DPP10: variants seen among roughly 807,000 people sequenced by gnomAD.
DPP10 encodes the protein dipeptidyl peptidase like 10, also known as inactive dipeptidyl peptidase 10.
A neutral mutation model predicts 120.9 loss-of-function variants in DPP10; 33 were observed. The ratio of observed to expected loss-of-function variants is 0.27; its 90% CI spans 0.21 to 0.37. The LOEUF (loss-of-function observed/expected upper bound fraction) is 0.37, where lower values mean the gene tolerates loss of function less well. DPP10 is among the 10% of genes least tolerant of loss of function. DPP10 has a pLI of 1.00. For synonymous variants in DPP10, 337 were observed against 326.1 expected (o/e 1.03, Z -0.36); for missense variants, 816 against 942.8 (o/e 0.87, Z 1.76).
At chr2:114,800,848 C>T (rs1456199939) in intron 1 of DPP10, among the ~76,000 whole-genome samples, 1 of 151,934 alleles carries the variant, frequency 6.6e-6, no homozygotes, top group Non-Finnish European at 1.5e-5. Flanking sequence ...TCTCCATTTT[C>T]CTCAGTGACA....
chr2:115,092,890 G>C (rs2104569426), intron 1 of DPP10, among the ~76,000 whole-genome samples: 1 of 152,224 alleles, frequency 6.6e-6, no homozygotes, highest in African/African-American at 2.4e-5. Context: ...GACTTTTTAA[G>C]TGACTTTTAG....
intron 1 of DPP10, among the ~76,000 whole-genome samples, chr2:115,010,729 A>G (rs1214844120): frequency 1.3e-5 from 2 of 152,160 alleles, no homozygotes; most frequent in African/African-American, 2.4e-5. Context: ...TATGAACAAA[A>G]TGTCTATTAA....
intron 1 of DPP10, among the ~76,000 whole-genome samples, chr2:115,192,763 A>G (rs1573960128): frequency 1.3e-5 from 2 of 152,128 alleles, no homozygotes; most frequent in Admixed American, 1.3e-4. Flanking sequence ...ATGTCTGACC[A>G]TAACATAAGA....
chr2:115,591,104 G>C (rs1399226109), intron 5 of DPP10, among the ~76,000 whole-genome samples: 1 of 152,136 alleles, frequency 6.6e-6, no homozygotes, highest in African/African-American at 2.4e-5. Flanking sequence ...CATTCTGTAG[G>C]TTGCCTGTTC....
At chr2:114,768,528 G>A (rs1014868846) in intron 1 of DPP10, among the ~76,000 whole-genome samples, 1 of 152,194 alleles carries the variant, frequency 6.6e-6, no homozygotes, top group Non-Finnish European at 1.5e-5. Context: ...TGGATTTGAA[G>A]TTGGTTCTCT....
intron 1 of DPP10, among the ~76,000 whole-genome samples, chr2:114,566,263 A>G (rs1440282901): frequency 1.3e-5 from 2 of 152,210 alleles, no homozygotes; most frequent in Non-Finnish European, 2.9e-5. Flanking sequence ...GAGCTCAGCC[A>G]TATTAACGAC....
At chr2:115,542,328 G>A (rs1479069668) in intron 5 of DPP10, among the ~76,000 whole-genome samples, 1 of 151,854 alleles carries the variant, frequency 6.6e-6, no homozygotes, top group African/African-American at 2.4e-5. Context: ...GAATCATGAA[G>A]TATATAATTT....
At chr2:114,671,554 C>G (rs961309544) in intron 1 of DPP10, among the ~76,000 whole-genome samples, 1 of 152,088 alleles carries the variant, frequency 6.6e-6, no homozygotes, top group African/African-American at 2.4e-5. Flanking sequence ...TCACGTATTC[C>G]TTTATAGAAA....
intron 1 of DPP10, among the ~76,000 whole-genome samples, chr2:114,559,813 C>T (rs1187734394): frequency 6.7e-6 from 1 of 150,106 alleles, no homozygotes; most frequent in African/African-American, 2.5e-5. Context: ...AGTAGTTACT[C>T]CTCTCCCAAT....
At chr2:114,509,298 G>T (rs537817333) in intron 1 of DPP10, among the ~76,000 whole-genome samples, 1 of 152,284 alleles carries the variant, frequency 6.6e-6, no homozygotes, top group South Asian at 2.1e-4. Flanking sequence ...AATCATAATT[G>T]TTATGAAGAT....
At chr2:115,593,239 C>G (rs1360528418) in intron 5 of DPP10, among the ~76,000 whole-genome samples, 2 of 152,122 alleles carry the variant, frequency 1.3e-5, no homozygotes, top group Non-Finnish European at 2.9e-5. Flanking sequence ...GCAACCAGCT[C>G]TCTAATAAAG....
intron 1 of DPP10, among the ~76,000 whole-genome samples, chr2:114,809,707 G>C (rs1272702001): frequency 6.6e-6 from 1 of 152,136 alleles, no homozygotes; most frequent in Non-Finnish European, 1.5e-5. Context: ...GGCTGTCTCA[G>C]CTCAACTGAG....
At chr2:115,400,399 C>T (rs1472139220) in intron 3 of DPP10, among the ~76,000 whole-genome samples, 4 of 151,654 alleles carry the variant, frequency 2.6e-5, no homozygotes, top group African/African-American at 9.7e-5. Context: ...GCTTTGGCAG[C>T]ATGAAGATGT....
intron 1 of DPP10, among the ~76,000 whole-genome samples, chr2:115,239,642 G>A (rs1223458389): frequency 1.3e-5 from 2 of 152,216 alleles, no homozygotes; most frequent in African/African-American, 2.4e-5. Context: ...TGGGATACAT[G>A]TGCAGAACGT....
intron 1 of DPP10, among the ~76,000 whole-genome samples, chr2:114,782,450 A>G (rs1286170323): frequency 6.6e-6 from 1 of 152,028 alleles, no homozygotes; most frequent in East Asian, 1.9e-4. Context: ...AAAATTCCAT[A>G]GAATTAGAAT....
intron 3 of DPP10, among the ~76,000 whole-genome samples, chr2:115,416,485 A>G (rs1470758712): frequency 6.6e-6 from 1 of 152,180 alleles, no homozygotes; most frequent in Non-Finnish European, 1.5e-5. Flanking sequence ...TAGCCAAAGC[A>G]GGTGCATGAA....
At chr2:115,193,395 T>A (rs942512515) in intron 1 of DPP10, among the ~76,000 whole-genome samples, 1 of 152,208 alleles carries the variant, frequency 6.6e-6, no homozygotes, top group African/African-American at 2.4e-5. Context: ...ACCACCAGAT[T>A]AGAAGTTAGG....
At chr2:115,535,149 G>A (rs1053546533) in intron 5 of DPP10, among the ~76,000 whole-genome samples, 4 of 151,984 alleles carry the variant, frequency 2.6e-5, no homozygotes, top group African/African-American at 9.7e-5. Context: ...GCCTTTTGTT[G>A]CCATTGCTTT....
At chr2:115,171,746 T>G (rs1368675571) in intron 1 of DPP10, among the ~76,000 whole-genome samples, 1 of 152,114 alleles carries the variant, frequency 6.6e-6, no homozygotes, top group Non-Finnish European at 1.5e-5. Context: ...AAAACAAGTT[T>G]TAAAATGCTT....
Sources: allele counts gnomAD v4.1 joint callset (sites outside exome capture counted in the v4.1 genomes callset), GRCh38; gene constraint gnomAD v4.1.1; transcripts MANE v1.5; gene names NCBI Gene and HGNC (gene_info 2026-07-23, HGNC 2026-07-21).